Variants in HECTD4 observed in about 807,000 individuals in gnomAD.
The protein encoded by HECTD4 is probable E3 ubiquitin-protein ligase HECTD4.
A neutral mutation model predicts 471.5 loss-of-function variants in HECTD4; 114 were observed. The observed-to-expected ratio is 0.24, with a 90% CI of 0.21 to 0.28. The LOEUF is 0.28. Ranked by LOEUF, HECTD4 falls within the 10% of genes least tolerant of loss-of-function variation. HECTD4 has a pLI of 1.00. For missense variants in HECTD4, 3,866 were observed against 5,651.5 expected, an observed-to-expected ratio of 0.68 and a Z score of 10.13; for synonymous variants, 2,012 against 2,256.0, an observed-to-expected ratio of 0.89 and a Z score of 3.07.
At chr12:112,379,420 A>G (rs1291967810) in intron 1 of HECTD4, among the ~76,000 whole-genome samples, 1 of 152,212 alleles carries the variant, frequency 6.6e-6, no homozygotes, top group African/African-American at 2.4e-5. Flanking sequence ...TGTGCTGGGC[A>G]TGGTGGCTCA....
intron 49 of HECTD4, among the ~76,000 whole-genome samples, chr12:112,211,338 C>T (rs1041315833): frequency 1.3e-5 from 2 of 152,090 alleles, no homozygotes; most frequent in African/African-American, 4.8e-5. Flanking sequence ...AACTCAGCCT[C>T]CAGAGCAGCG....
chr12:112,178,095 T>C (rs1311086549), intron 64 of HECTD4, among the ~76,000 whole-genome samples: 3 of 152,232 alleles, frequency 2.0e-5, no homozygotes, highest in African/African-American at 4.8e-5. Context: ...TTTTTTGAGA[T>C]AGGGTCTCGT....
At chr12:112,210,811 T>C (rs1287510982) in intron 49 of HECTD4, among the ~76,000 whole-genome samples, 2 of 152,254 alleles carry the variant, frequency 1.3e-5, no homozygotes, top group African/African-American at 4.8e-5. Context: ...CAACTGATCA[T>C]AACCCAATGA....
intron 1 of HECTD4, among the ~76,000 whole-genome samples, chr12:112,366,864 G>C (rs1292455642): frequency 7.5e-6 from 1 of 134,196 alleles, no homozygotes; most frequent in Non-Finnish European, 1.6e-5. Flanking sequence ...TGGGCAACAA[G>C]AGTGAAACTC....
Position 112,228,099 on chromosome 12 carries a change from T to A in HECTD4, c.6844A>T (p.Ile2282Leu). The change falls in exon 43 of 76, where the codon ATA becomes TTA. Residue 2282 changes from isoleucine to leucine, a missense_variant. Coordinates refer to ENST00000682272, the MANE Select transcript of HECTD4 (RefSeq NM_001388303.1). This position sits in a 1 kb window ranked among gnomAD's most constrained non-coding sequence, Gnocchi z 4.9. ...GGGGAGGGTACTCACCTTGTCCTTATTTCAGCAAGGAGCCGAACGACTGCC... is the reference window on the plus strand; with the variant it reads ...GGGGAGGGTACTCACCTTGTCCTTAATTCAGCAAGGAGCCGAACGACTGCC... The part of the protein sequence containing the change: ...VMAVVRLLAE[I>L]RTRACLVMAQ... The A allele has an allele frequency of 6.2e-7, 1 of 1,612,238 alleles. No homozygotes were observed. Among genetic ancestry groups the A allele is most frequent in the South Asian group, 1.1e-5 (1 of 90,804 alleles).
chr12:112,194,800 G>A lies in HECTD4; in HGVS notation c.8749+85C>T, dbSNP rs1303553719. On this transcript the variant is annotated intron_variant, in intron 56 of 75. Transcript: ENST00000682272. The surrounding 1 kb of genome is among the most constrained non-coding windows in gnomAD (Gnocchi z 4.6). ...CTATGCGCACCATGAGGCATTTCTC[G>A]CCCTCATGCAGGGAATGACTACACT... 16 of 1,236,554 alleles carry A rather than the reference G, an allele frequency of 1.3e-5. No homozygotes were observed. The highest frequency in any genetic ancestry group is 1.5e-5 in the African/African-American group (1 of 66,832). 76.6% of individuals were successfully genotyped at this position (1,236,554 alleles called of 1,614,324 possible).
At chr12:112,348,320 G>C (rs1373107297) in intron 1 of HECTD4, among the ~76,000 whole-genome samples, 2 of 152,190 alleles carry the variant, frequency 1.3e-5, no homozygotes, top group Non-Finnish European at 2.9e-5. Context: ...CAATTTTATA[G>C]TTGAGAGAAA....
At chr12:112,273,042 G>T (rs1050791945) in intron 11 of HECTD4, among the ~76,000 whole-genome samples, 46 of 152,044 alleles carry the variant, frequency 3.0e-4, no homozygotes, top group African/African-American at 1.1e-3. Flanking sequence ...CAAAGTTCAA[G>T]GTTTTTTAAA....
At chr12:112,365,932 G>A (rs762147773) in intron 1 of HECTD4, among the ~76,000 whole-genome samples, 4 of 151,568 alleles carry the variant, frequency 2.6e-5, no homozygotes, top group East Asian at 3.9e-4. Context: ...ATACCACCAC[G>A]CCCAGCTAAT....
At chr12:112,245,124 T>A (rs188799435) in intron 29 of HECTD4, among the ~76,000 whole-genome samples, 66 of 152,294 alleles carry the variant, frequency 4.3e-4, no homozygotes, top group Non-Finnish European at 7.8e-4. Flanking sequence ...CAACTCAGCC[T>A]CCCAAGTAGC....
intron 7 of HECTD4, among the ~76,000 whole-genome samples, chr12:112,301,485 C>T (rs1188328275): frequency 6.6e-6 from 1 of 152,098 alleles, no homozygotes; most frequent in Non-Finnish European, 1.5e-5. Context: ...CCCAGACCTC[C>T]GCCTGTATTA....
intron 1 of HECTD4, among the ~76,000 whole-genome samples, chr12:112,323,950 CTTTCTTTCTTTCTTT>C (rs2035641224): frequency 7.4e-5 from 3 of 40,324 alleles, no homozygotes; most frequent in Non-Finnish European, 3.8e-5. Context: ...TGAGGTGCTT[CTTTCTTTCTTTCTTT>C]CTTCCTTCCT....
Position 112,184,921 on chromosome 12 carries a change from C to G in HECTD4, c.10045G>C (p.Glu3349Gln). 1 of 1,613,714 alleles carries G rather than the reference C, an allele frequency of 6.2e-7. No homozygotes were observed. The highest frequency in any genetic ancestry group is 8.5e-7 in the Non-Finnish European group (1 of 1,179,790). The change falls in exon 61 of 76, where the codon GAG becomes CAG. Residue 3349 changes from glutamate (E) to glutamine (Q), a missense_variant. Glu to Gln is a conservative substitution (Grantham distance 29). Coordinates refer to ENST00000682272, the MANE Select transcript of HECTD4 (RefSeq NM_001388303.1). This position sits in a 1 kb window ranked among gnomAD's most constrained non-coding sequence, Gnocchi z 9.1. ...TVLSIGGSKPEDMLWFHRALT... is the reference protein window; with the variant it reads ...TVLSIGGSKPQDMLWFHRALT... ...GCGCGGTGGAACCACAGCATGTCCTCGGGCTTGCTGCCTCCGATGCTGAGC... is the reference window on the plus strand; with the variant it reads ...GCGCGGTGGAACCACAGCATGTCCTGGGGCTTGCTGCCTCCGATGCTGAGC...
At position 112,258,570 on chromosome 12, in the gene HECTD4, A is replaced by G. The variant is rs755467583; in HGVS notation, c.3054T>C (p.Cys1018=). 1 of 1,606,496 alleles carries G rather than the reference A, an allele frequency of 6.2e-7. No individual in the cohort carries two copies. The highest frequency in any genetic ancestry group is 8.5e-7 in the Non-Finnish European group (1 of 1,177,114). Reference sequence around the variant, plus strand: ...AACAGCCCACCTCAGCAAAAACCGGACACTGGGTTTTAAGCAGCAACGCCG... The same window carrying G: ...AACAGCCCACCTCAGCAAAAACCGGGCACTGGGTTTTAAGCAGCAACGCCG... ...SQTALLLKTQ[C]PVFAEVGCSP... is the part of the protein sequence containing the mutation. Residue 1018 remains cysteine (C), a synonymous_variant, in exon 20 of 76, where the codon TGT becomes TGC. Coordinates refer to ENST00000682272, the MANE Select transcript of HECTD4 (RefSeq NM_001388303.1).
chr12:112,227,088 G>A (rs922846797), intron 43 of HECTD4, among the ~76,000 whole-genome samples: 1 of 152,192 alleles, frequency 6.6e-6, no homozygotes, highest in Admixed American at 6.5e-5. Context: ...AGGGAAGCAA[G>A]AGGGATTCAA....
At position 112,243,592 on chromosome 12, in the gene HECTD4, C is replaced by T; in HGVS notation, c.4791+28G>A. On this transcript the variant is annotated intron_variant, in intron 31 of 75. Coordinates refer to ENST00000682272, the MANE Select transcript of HECTD4 (RefSeq NM_001388303.1). This position sits in a 1 kb window ranked among gnomAD's most constrained non-coding sequence, Gnocchi z 6.6. ...ACCCCGCATGCTGTTAGGTGCTATT[C>T]ATCTGGAGCCCGCAAAATGTGACGT... is the stretch of plus-strand genomic sequence containing the variant. 6.2e-7 allele frequency: 1 copy of T among 1,604,918 alleles called. No individual in the cohort carries two copies. The highest frequency in any genetic ancestry group is 1.1e-5 in the South Asian group (1 of 89,874).
chr12:112,347,006 T>C (rs1434467176), intron 1 of HECTD4, among the ~76,000 whole-genome samples: 2 of 152,196 alleles, frequency 1.3e-5, no homozygotes, highest in Non-Finnish European at 2.9e-5. Context: ...TGAAAACCTC[T>C]GCACATCAAA....
Position 112,163,020 on chromosome 12 carries a change from C to A in HECTD4, c.13120+22G>T. The A allele has an allele frequency of 6.4e-7, 1 of 1,560,162 alleles. No individual in the cohort carries two copies. Among genetic ancestry groups the A allele is most frequent in the South Asian group, 1.2e-5 (1 of 86,296 alleles). ...AAGGCTAGTGTGTCCCTACTTGGGA[C>A]ATGGCCAGGGGAGGGCGGTACCTGC... On this transcript the variant is annotated intron_variant, in intron 75 of 75. Transcript: ENST00000682272. The surrounding 1 kb of genome is among the most constrained non-coding windows in gnomAD (Gnocchi z 8.2).
At chr12:112,317,796 A>G (rs1036654707) in intron 2 of HECTD4, among the ~76,000 whole-genome samples, 2 of 151,638 alleles carry the variant, frequency 1.3e-5, no homozygotes, top group Admixed American at 6.6e-5. Flanking sequence ...CTGGGCAACA[A>G]GGGGAAACCC....
Sources: gnomAD v4.1 joint callset for allele counts (sites outside exome capture counted in the v4.1 genomes callset) on GRCh38, gnomAD v4.1.1 for gene constraint, Gnocchi (gnomAD v3.1) non-coding constraint, MANE v1.5 for transcripts, NCBI Gene and HGNC (gene_info 2026-07-23, HGNC 2026-07-21) for gene names.